The following SIN3A variants were observed in gnomAD, a reference collection of about 807,000 sequenced individuals.
SIN3A encodes the protein SIN3 transcription regulator family member A.
SIN3A carries 14 observed loss-of-function variants against 146.1 expected under a neutral mutation model. That is an observed-to-expected ratio of 0.10 (90% CI 0.06 to 0.15). The LOEUF is 0.15. SIN3A is among the 10% of genes least tolerant of loss of function. The probability of loss-of-function intolerance (pLI) is 1.00; values close to 1 mark genes in which losing one functional copy is unlikely to be tolerated. For missense variants in SIN3A, 1,028 were observed against 1,576.0 expected (o/e 0.65, Z 5.89); for synonymous variants, 572 against 572.0 (o/e 1.00, Z 0.00).
At chr15:75,442,212 G>T (rs1005129296) in intron 1 of SIN3A, among the ~76,000 whole-genome samples, 1 of 137,202 alleles carries the variant, frequency 7.3e-6, no homozygotes, top group Non-Finnish European at 1.5e-5. Context: ...ATACATATAC[G>T]TAACTTTGGC....
rs1029414157 is a variant in SIN3A, at chr15:75,401,985, G to A, written c.1408-15C>T. The A allele has an allele frequency of 3.3e-6, 5 of 1,524,664 alleles. No individual in the cohort carries two copies. The African/African-American group carries it at 4.1e-5, about 13-fold the overall frequency. 94.4% of individuals were successfully genotyped at this position (1,524,664 alleles called of 1,614,324 possible). On this transcript the variant is annotated splice_polypyrimidine_tract_variant and intron_variant, in intron 9 of 20. Coordinates refer to ENST00000394947, the MANE Select transcript of SIN3A (RefSeq NM_001145358.2). Reference sequence around the variant, plus strand: ...GCCTTTCGGACCTTATGGAGACAACGGGAAGAAAAACAGTTTTTGTTTTTC... The same window carrying A: ...GCCTTTCGGACCTTATGGAGACAACAGGAAGAAAAACAGTTTTTGTTTTTC...
rs1193381957 is a variant in SIN3A at position 75,370,793 on chromosome 15, T to C, written c.*1186A>G. On this transcript the variant is annotated 3_prime_UTR_variant, in exon 21 of 21. Coordinates refer to ENST00000394947, the MANE Select transcript of SIN3A (RefSeq NM_001145358.2). The stretch of plus-strand genomic sequence containing the variant: ...TAAAAGACTTAAGTATTCTAAGATT[T>C]TGGAATATTTTGATTTGGGACAAGT... 1 of 152,184 alleles carries C rather than the reference T, an allele frequency of 6.6e-6. No homozygotes were observed. Among genetic ancestry groups the C allele is most frequent in the Non-Finnish European group, 1.5e-5 (1 of 68,020 alleles). The allele number at this position is 152,184 out of a possible 1,614,324, so 9.4% of individuals were successfully genotyped here. A position where few individuals can be genotyped will look rare whatever the true frequency, so the allele number is the denominator to read the frequency against.
chr15:75,411,770 C>A, intron 5 of SIN3A, 27 bp from the exon 6 acceptor site: 1 of 1,548,342 alleles, frequency 6.5e-7, no homozygotes, highest in South Asian at 1.3e-5. Context: ...TCTTTATTCT[C>A]TTCAGATGCA....
upstream of SIN3A, chr15:75,452,916 C>CTCTCTG (rs1427043185): frequency 1.3e-5 from 2 of 152,368 alleles, no homozygotes; most frequent in African/African-American, 4.8e-5. Flanking sequence ...TTCCTGTGCC[C>CTCTCTG]TCTCTGTGTA....
At chr15:75,380,208 T>C in intron 19 of SIN3A, among the ~76,000 whole-genome samples, 1 of 152,214 alleles carries the variant, frequency 6.6e-6, no homozygotes, top group East Asian at 1.9e-4. Context: ...AAGAGTGTCC[T>C]GTGTGACTCC....
At chr15:75,425,002 A>C (rs1006801737) in intron 2 of SIN3A, among the ~76,000 whole-genome samples, 4 of 152,220 alleles carry the variant, frequency 2.6e-5, no homozygotes, top group African/African-American at 9.6e-5. Context: ...TAAACTTTTA[A>C]ATAGTTTTTT....
intron 9 of SIN3A, among the ~76,000 whole-genome samples, chr15:75,405,810 T>C (rs1056972903): frequency 1.3e-5 from 2 of 152,224 alleles, no homozygotes; most frequent in Non-Finnish European, 2.9e-5. Context: ...AAAGTCTGCA[T>C]GTCACATTTG....
Position 75,451,548 on chromosome 15 carries a change from A to C in SIN3A, c.-159T>G. ...GAAGCGGACTGCCAGCTACCTCTCC[A>C]CTAACGAAGCGGTCACAGGCTCCGG... On this transcript the variant is annotated 5_prime_UTR_variant, in exon 1 of 21. Transcript: ENST00000394947. The C allele has an allele frequency of 7.5e-6, 1 of 132,826 alleles. No individual in the cohort carries two copies. Among genetic ancestry groups the C allele is most frequent in the Non-Finnish European group, 1.6e-5 (1 of 63,038 alleles). The allele number at this position is 132,826 out of a possible 1,614,324, so 8.2% of individuals were successfully genotyped here.
intron 6 of SIN3A, among the ~76,000 whole-genome samples, chr15:75,410,792 G>C (rs2073621312): frequency 6.6e-6 from 1 of 151,966 alleles, no homozygotes. Context: ...GCTCATGCCT[G>C]CAATCCCAGC....
At chr15:75,396,069 G>C (rs1005160963) in intron 13 of SIN3A, among the ~76,000 whole-genome samples, 189 bp downstream of exon 13, 2 of 152,100 alleles carry the variant, frequency 1.3e-5, no homozygotes, top group African/African-American at 4.8e-5. Context: ...TACAAGATTT[G>C]TTCTCTAATG....
At chr15:75,375,613 G>A (rs1179477820) in intron 20 of SIN3A, 52 bp downstream of exon 20, 3 of 1,440,044 alleles carry the variant, frequency 2.1e-6, no homozygotes, top group Non-Finnish European at 2.9e-6. Flanking sequence ...GCCTCCCCTG[G>A]TCCTAGCTAG....
intron 20 of SIN3A, among the ~76,000 whole-genome samples, chr15:75,372,979 G>T (rs2072781944): frequency 6.6e-6 from 1 of 152,122 alleles, no homozygotes; most frequent in Admixed American, 6.5e-5. Flanking sequence ...CCACCTCTAA[G>T]CCAGACAGTG....
chr15:75,407,823 G>A (rs945399273), intron 8 of SIN3A, among the ~76,000 whole-genome samples: 3 of 147,000 alleles, frequency 2.0e-5, no homozygotes, highest in African/African-American at 5.0e-5. Context: ...AACCCAGGAG[G>A]TGGAGGCTGC....
At chr15:75,381,865 A>G (rs530544384) in intron 17 of SIN3A, among the ~76,000 whole-genome samples, 160 bp from the exon 18 acceptor site, 1 of 152,344 alleles carries the variant, frequency 6.6e-6, no homozygotes, top group East Asian at 1.9e-4. Flanking sequence ...TGATAAAGGC[A>G]AAAGTCTACA....
At chr15:75,437,176 C>CT (rs1316822932) in intron 1 of SIN3A, among the ~76,000 whole-genome samples, 2 of 128,648 alleles carry the variant, frequency 1.6e-5, no homozygotes, top group African/African-American at 6.9e-5. Context: ...GTCCCAGAAC[C>CT]CTTTTTTTTT....
chr15:75,384,549 G>C (rs1317521684), intron 16 of SIN3A, 112 bp from the exon 17 acceptor site: 1 of 177,884 alleles, frequency 5.6e-6, no homozygotes, highest in Non-Finnish European at 1.1e-5. Context: ...TTCTTTTTTT[G>C]GGGGGGTGGG....
intron 20 of SIN3A, 55 bp from the exon 21 acceptor site, chr15:75,372,264 C>T: frequency 1.6e-6 from 2 of 1,223,322 alleles, no homozygotes; most frequent in Non-Finnish European, 2.3e-6. Context: ...AAAAAGAGCC[C>T]TTCAAATACA....
intron 1 of SIN3A, 41 bp from the exon 2 acceptor site, chr15:75,430,449 C>G (rs1446626693): frequency 2.9e-5 from 43 of 1,469,536 alleles, no homozygotes; most frequent in Non-Finnish European, 3.9e-5. Context: ...TCAATTCTCA[C>G]TCCAGTATGA....
upstream of SIN3A, among the ~76,000 whole-genome samples, chr15:75,454,623 C>T (rs1434446925): frequency 1.3e-5 from 2 of 151,814 alleles, no homozygotes; most frequent in Admixed American, 1.3e-4. Flanking sequence ...AGACTGTTTT[C>T]CCAGTTTCCG....
Sources: allele counts gnomAD v4.1 joint callset (sites outside exome capture counted in the v4.1 genomes callset), GRCh38; gene constraint gnomAD v4.1.1; transcripts MANE v1.5; gene names NCBI Gene and HGNC (gene_info 2026-07-23, HGNC 2026-07-21).